Variants in KANTR observed in about 807,000 individuals in gnomAD.
KANTR encodes KDM5C adjacent transcript.
At chrX:53,136,712 ATATATATATATATATATATT>A (rs1933428370) in intron 2 of KANTR, among the ~76,000 whole-genome samples, 3 of 39,283 alleles carry the variant, frequency 7.6e-5, no homozygotes, top group African/African-American at 1.8e-4. Flanking sequence ...ATATATATAT[ATATATATATATATATATATT>A]TTGTTTGTTT....
chrX:53,102,983 TG>T (rs1391897053), intron 2 of KANTR, among the ~76,000 whole-genome samples: 123 of 68,585 alleles, frequency 1.8e-3, no homozygotes, highest in African/African-American at 5.4e-3. Context: ...TTGTTTTGTT[TG>T]TTTTTTTTTT....
chrX:53,143,366 GGCCA>G, downstream of KANTR: 1 of 746,946 alleles, frequency 1.3e-6, no homozygotes, highest in Non-Finnish European at 2.0e-6. Context: ...GTCAGGTCCT[GGCCA>G]GCCAGGTCCA....
chrX:53,125,963 G>T (rs1556816171), exon 3 of KANTR: 2 of 108,689 alleles, frequency 1.8e-5, no homozygotes, highest in African/African-American at 6.7e-5. Context: ...ATTCTTAAAA[G>T]ATAGTTTGTT....
intron 2 of KANTR, among the ~76,000 whole-genome samples, chrX:53,105,854 C>CTTTTT (rs1181859013): frequency 1.4e-4 from 10 of 72,069 alleles, no homozygotes; most frequent in Non-Finnish European, 2.1e-4. Flanking sequence ...ATGTTTTTTT[C>CTTTTT]TTTTTTTTTT....
At chrX:53,131,367 C>T (rs918893379), downstream of KANTR, among the ~76,000 whole-genome samples, 4 of 111,048 alleles carry the variant, frequency 3.6e-5, no homozygotes, top group African/African-American at 6.6e-5. Flanking sequence ...AAATTATAAA[C>T]AAAACTTTAT....
At chrX:53,115,052 G>A (rs1425774546) in intron 2 of KANTR, among the ~76,000 whole-genome samples, 1 of 112,202 alleles carries the variant, frequency 8.9e-6, no homozygotes, top group Non-Finnish European at 1.9e-5. Context: ...GGGCTGCAGG[G>A]ACCAGCCTGA....
chrX:53,124,175 G>T, exon 3 of KANTR: 2 of 285,679 alleles, frequency 7.0e-6, no homozygotes, highest in East Asian at 5.0e-5. Flanking sequence ...ATTTTGGTAA[G>T]ATAACAGTTT....
At chrX:53,129,598 C>T (rs1933336430), downstream of KANTR, among the ~76,000 whole-genome samples, 2 of 109,667 alleles carry the variant, frequency 1.8e-5, no homozygotes, top group Admixed American at 2.0e-4. Flanking sequence ...TTAGGACACT[C>T]GTCTGGTTTC....
At chrX:53,131,001 T>C (rs1933355739), downstream of KANTR, among the ~76,000 whole-genome samples, 1 of 111,432 alleles carries the variant, frequency 9.0e-6, no homozygotes, top group Admixed American at 9.6e-5. Flanking sequence ...AAGCAGTTAA[T>C]AATGCTTTTT....
At chrX:53,104,965 A>C (rs781849435) in intron 2 of KANTR, among the ~76,000 whole-genome samples, 2 of 109,779 alleles carry the variant, frequency 1.8e-5, no homozygotes, top group African/African-American at 6.6e-5. Flanking sequence ...GCTCACTGCA[A>C]CCTCCACCTC....
downstream of KANTR, among the ~76,000 whole-genome samples, chrX:53,129,235 T>TTGTG (rs57493383): frequency 0.039 from 3,269 of 83,331 alleles, 180 homozygotes; most frequent in African/African-American, 0.13. Context: ...GCCTGGCTAT[T>TTGTG]TGTGTGTGTG....
At chrX:53,147,412 A>G (rs1381854455), downstream of KANTR, among the ~76,000 whole-genome samples, 3 of 112,004 alleles carry the variant, frequency 2.7e-5, no homozygotes, top group Admixed American at 2.8e-4. Context: ...CAACAAGAAG[A>G]GCTAACTATC....
intron 2 of KANTR, among the ~76,000 whole-genome samples, chrX:53,120,238 G>T (rs1186055624): frequency 1.8e-5 from 2 of 110,829 alleles, no homozygotes; most frequent in Admixed American, 9.6e-5. Flanking sequence ...GTTTCGCCAT[G>T]TTCCCCCAGC....
chrX:53,116,412 A>G (rs1221541425), intron 2 of KANTR, among the ~76,000 whole-genome samples: 2 of 112,262 alleles, frequency 1.8e-5, no homozygotes, highest in African/African-American at 6.5e-5. Context: ...CTTGGCGTGC[A>G]TATAGCCTTG....
chrX:53,107,620 G>A (rs896335269), intron 2 of KANTR, among the ~76,000 whole-genome samples: 5 of 109,652 alleles, frequency 4.6e-5, no homozygotes, highest in Non-Finnish European at 7.6e-5. Flanking sequence ...CAGTATACAA[G>A]TCTTGCAGTT....
intron 2 of KANTR, among the ~76,000 whole-genome samples, chrX:53,111,976 T>G (rs1001531339): frequency 1.8e-5 from 2 of 111,769 alleles, no homozygotes; most frequent in African/African-American, 6.5e-5. Flanking sequence ...TTTAATTATT[T>G]TTTTTTAATT....
At chrX:53,123,254 CT>C (rs1194660027) in intron 2 of KANTR, among the ~76,000 whole-genome samples, 1 of 106,701 alleles carries the variant, frequency 9.4e-6, no homozygotes, top group African/African-American at 3.4e-5. Context: ...CCATAAATGT[CT>C]TTTTTTGTAC....
At chrX:53,100,146 A>G (rs975458504) in intron 2 of KANTR, among the ~76,000 whole-genome samples, 1 of 112,392 alleles carries the variant, frequency 8.9e-6, no homozygotes, top group African/African-American at 3.2e-5. Flanking sequence ...TAAAAGTCCT[A>G]GATGGCATCT....
At chrX:53,137,928 T>G (rs1337626636) in intron 2 of KANTR, among the ~76,000 whole-genome samples, 7 of 111,642 alleles carry the variant, frequency 6.3e-5, no homozygotes, top group Non-Finnish European at 1.3e-4. Flanking sequence ...GTTTTTTTCT[T>G]GATCACTGGT....
Sources: allele counts gnomAD v4.1 joint callset (sites outside exome capture counted in the v4.1 genomes callset), GRCh38; gene constraint gnomAD v4.1.1; transcripts MANE v1.5; gene names NCBI Gene and HGNC (gene_info 2026-07-23, HGNC 2026-07-21).